TLK2: variants seen among roughly 807,000 people sequenced by gnomAD.
TLK2 encodes the protein tousled like kinase 2.
TLK2 carries 6 observed loss-of-function variants against 117.3 expected under a neutral mutation model. That is an observed-to-expected ratio of 0.05 (90% CI 0.03 to 0.10). TLK2 has a LOEUF of 0.10. TLK2 is among the 10% of genes least tolerant of loss of function. TLK2 has a pLI of 1.00. For synonymous variants in TLK2, 257 were observed against 316.7 expected (o/e 0.81, Z 2.00); for missense variants, 299 against 901.2 (o/e 0.33, Z 8.56).
intron 21 of TLK2, among the ~76,000 whole-genome samples, chr17:62,611,601 T>C (rs1334474732): frequency 6.6e-6 from 1 of 152,238 alleles, no homozygotes; most frequent in African/African-American, 2.4e-5. Flanking sequence ...GTCACCCTCA[T>C]GTAAAATACT....
At chr17:62,586,909 T>C (rs907155270) in intron 16 of TLK2, among the ~76,000 whole-genome samples, 9 of 151,976 alleles carry the variant, frequency 5.9e-5, no homozygotes, top group Admixed American at 5.9e-4. Context: ...CTTCAGTCAT[T>C]TCCTTCTAGA....
chr17:62,507,961 C>G (rs1439681589), intron 2 of TLK2, among the ~76,000 whole-genome samples: 1 of 151,966 alleles, frequency 6.6e-6, no homozygotes, highest in African/African-American at 2.4e-5. Flanking sequence ...TCTTGTTCAT[C>G]TTCTAAACTG....
chr17:62,601,582 A>G (rs1237159533), intron 18 of TLK2, among the ~76,000 whole-genome samples: 1 of 152,204 alleles, frequency 6.6e-6, no homozygotes, highest in Non-Finnish European at 1.5e-5. Context: ...ATTTTCCATA[A>G]CTGAATTCAA....
intron 7 of TLK2, among the ~76,000 whole-genome samples, chr17:62,549,469 A>C (rs1487236534): frequency 6.7e-6 from 1 of 150,130 alleles, no homozygotes; most frequent in Non-Finnish European, 1.5e-5. Flanking sequence ...GAGGATTGTA[A>C]AAGCAATCAA....
At chr17:62,577,072 C>T (rs750983464) in intron 13 of TLK2, among the ~76,000 whole-genome samples, 3 of 149,370 alleles carry the variant, frequency 2.0e-5, no homozygotes, top group Non-Finnish European at 4.4e-5. Context: ...AAGCGATTCT[C>T]GTGTCTCAGC....
intron 2 of TLK2, among the ~76,000 whole-genome samples, chr17:62,496,262 T>C (rs1567790942): frequency 6.6e-6 from 1 of 152,234 alleles, no homozygotes; most frequent in African/African-American, 2.4e-5. Context: ...TTCTTTGTTC[T>C]TTTTTTCAAG....
chr17:62,502,435 T>C (rs1047763728), intron 2 of TLK2, among the ~76,000 whole-genome samples: 2 of 152,174 alleles, frequency 1.3e-5, no homozygotes, highest in African/African-American at 4.8e-5. Context: ...ATAAGTAACA[T>C]CATACTTATG....
chr17:62,478,338 C>T (rs1245293415), upstream of TLK2, among the ~76,000 whole-genome samples: 1 of 142,782 alleles, frequency 7.0e-6, no homozygotes, highest in Non-Finnish European at 1.5e-5. Context: ...AGGGGTTGGG[C>T]GGGCGCGGGG....
intron 11 of TLK2, among the ~76,000 whole-genome samples, chr17:62,565,537 C>T (rs2079696661): frequency 6.6e-6 from 1 of 151,206 alleles, no homozygotes; most frequent in South Asian, 2.1e-4. Flanking sequence ...CCTGTAATCC[C>T]AGCTACTTGG....
At chr17:62,596,722 A>G (rs749278813) in intron 17 of TLK2, 48 bp downstream of exon 17, 11 of 1,523,676 alleles carry the variant, frequency 7.2e-6, no homozygotes, top group South Asian at 5.6e-5. Context: ...TTTTCTTGCA[A>G]TGCTGATTGT....
At chr17:62,582,788 CT>C (rs2081312255) in intron 15 of TLK2, among the ~76,000 whole-genome samples, 1 of 152,142 alleles carries the variant, frequency 6.6e-6, no homozygotes, top group Non-Finnish European at 1.5e-5. Flanking sequence ...ACCAACTTTC[CT>C]TTCCCCCTCC....
Position 62,556,519 on chromosome 17 carries a change from A to G in TLK2, c.720+2764A>G, listed in dbSNP as rs538727466. Reference sequence around the variant, plus strand: ...CCCGTGGAAAGACAACACTGTGTGCAGGATTTTTGTGTCATAACCCCTTGT... The same window carrying G: ...CCCGTGGAAAGACAACACTGTGTGCGGGATTTTTGTGTCATAACCCCTTGT... On this transcript the variant is annotated intron_variant, in intron 9 of 21. Transcript: ENST00000346027. Among the ~76,000 whole-genome samples the G allele has an allele frequency of 3.3e-3, 502 of 152,344 alleles. 2 individuals are homozygous for G. Among genetic ancestry groups the G allele is most frequent in the Middle Eastern group, 6.8e-3 (2 of 294 alleles).
At chr17:62,484,255 C>T (rs1366158088) in intron 2 of TLK2, among the ~76,000 whole-genome samples, 2 of 151,370 alleles carry the variant, frequency 1.3e-5, no homozygotes. Context: ...AAAATTAATT[C>T]TGTAGTTTGC....
At chr17:62,518,446 A>G (rs901320996) in intron 2 of TLK2, among the ~76,000 whole-genome samples, 13 of 152,174 alleles carry the variant, frequency 8.5e-5, no homozygotes, top group Admixed American at 2.0e-4. Context: ...GCTCATGGCT[A>G]TAATCTCAGC....
At chr17:62,519,646 A>T (rs1432138466) in intron 2 of TLK2, among the ~76,000 whole-genome samples, 1 of 152,190 alleles carries the variant, frequency 6.6e-6, no homozygotes, top group African/African-American at 2.4e-5. Flanking sequence ...AAACAATAAT[A>T]AATTATTATT....
intron 16 of TLK2, among the ~76,000 whole-genome samples, chr17:62,591,690 T>C (rs1473126846): frequency 1.3e-5 from 2 of 152,310 alleles, no homozygotes; most frequent in East Asian, 3.9e-4. Context: ...GGGAAAAATA[T>C]ATGTAATTAC....
At chr17:62,473,574 C>A (rs2070981934) in intron 1 of TLK2, among the ~76,000 whole-genome samples, 1 of 152,190 alleles carries the variant, frequency 6.6e-6, no homozygotes, top group Non-Finnish European at 1.5e-5. Context: ...ATATCAGCCC[C>A]ACCCCAGACT....
At chr17:62,535,131 G>A (rs1457412535) in intron 6 of TLK2, among the ~76,000 whole-genome samples, 1 of 151,888 alleles carries the variant, frequency 6.6e-6, no homozygotes, top group Admixed American at 6.6e-5. Context: ...CAAGTGATCC[G>A]CCTGCCTTGG....
intron 2 of TLK2, among the ~76,000 whole-genome samples, chr17:62,517,302 C>A (rs569159952): frequency 1.5e-4 from 23 of 152,332 alleles, no homozygotes; most frequent in African/African-American, 5.5e-4. Flanking sequence ...TTCCTTCTGG[C>A]GGTCCATTCT....
Sources: gnomAD v4.1 joint callset for allele counts (sites outside exome capture counted in the v4.1 genomes callset) on GRCh38, gnomAD v4.1.1 for gene constraint, MANE v1.5 for transcripts, NCBI Gene and HGNC (gene_info 2026-07-23, HGNC 2026-07-21) for gene names.